The following TAFA4 variants were observed in gnomAD, a reference collection of about 807,000 sequenced individuals.
TAFA4 encodes the protein TAFA chemokine like family member 4.
A neutral mutation model predicts 21.1 loss-of-function variants in TAFA4; 20 were observed. The ratio of observed to expected loss-of-function variants is 0.95; its 90% CI spans 0.67 to 1.38. The LOEUF (loss-of-function observed/expected upper bound fraction) is 1.38, where lower values mean the gene tolerates loss of function less well. Ranked by LOEUF, TAFA4 falls within the 40% of genes most tolerant of loss-of-function variation. TAFA4 has a pLI of 0.00. For synonymous variants in TAFA4, 71 were observed against 67.4 expected, an observed-to-expected ratio of 1.05 and a Z score of -0.26; for missense variants, 211 against 180.9, an observed-to-expected ratio of 1.17 and a Z score of -0.95.
At chr3:68,851,001 C>G (rs1000359658) in intron 3 of TAFA4, among the ~76,000 whole-genome samples, 6 of 152,042 alleles carry the variant, frequency 3.9e-5, no homozygotes, top group Non-Finnish European at 5.9e-5. Flanking sequence ...GGTATATGCT[C>G]AAGGGAATAT....
At chr3:68,852,343 A>G (rs1386420870) in intron 3 of TAFA4, among the ~76,000 whole-genome samples, 1 of 152,158 alleles carries the variant, frequency 6.6e-6, no homozygotes, top group Non-Finnish European at 1.5e-5. Flanking sequence ...GCATTCCCAG[A>G]ACATACTCGT....
At chr3:68,763,891 C>T (rs980389495) in intron 3 of TAFA4, among the ~76,000 whole-genome samples, 5 of 151,992 alleles carry the variant, frequency 3.3e-5, no homozygotes, top group African/African-American at 9.7e-5. Context: ...CACACACACA[C>T]ACATAAGTAT....
intron 3 of TAFA4, among the ~76,000 whole-genome samples, chr3:68,821,340 T>TAAGAGAAAACAAGTCCTGAA (rs1559532889): frequency 5.4e-4 from 7 of 13,074 alleles, no homozygotes; most frequent in African/African-American, 1.1e-3. Flanking sequence ...TTTTTTTTTT[T>TAAGAGAAAACAAGTCCTGAA]TTTTTTTTTT....
intron 3 of TAFA4, among the ~76,000 whole-genome samples, chr3:68,856,641 C>A (rs1055599074): frequency 6.6e-6 from 1 of 152,118 alleles, no homozygotes; most frequent in African/African-American, 2.4e-5. Flanking sequence ...AGATAAAAAG[C>A]AGATATTACA....
intron 3 of TAFA4, among the ~76,000 whole-genome samples, chr3:68,799,083 G>T (rs572377793): frequency 6.6e-6 from 1 of 152,290 alleles, no homozygotes; most frequent in African/African-American, 2.4e-5. Flanking sequence ...AGCATCAGGA[G>T]TTTGTGGTAG....
intron 3 of TAFA4, among the ~76,000 whole-genome samples, chr3:68,760,729 C>T (rs1006224527): frequency 1.5e-4 from 23 of 152,206 alleles, no homozygotes; most frequent in African/African-American, 5.5e-4. Context: ...CTTCCCTTGG[C>T]GAACATGCCC....
At chr3:68,767,230 T>C (rs747617348) in intron 3 of TAFA4, among the ~76,000 whole-genome samples, 1 of 152,028 alleles carries the variant, frequency 6.6e-6, no homozygotes, top group African/African-American at 2.4e-5. Context: ...GGATATGCTA[T>C]AGCAAAATAA....
chr3:68,811,438 A>T (rs13077691), intron 3 of TAFA4, among the ~76,000 whole-genome samples: 18 of 151,936 alleles, frequency 1.2e-4, no homozygotes, highest in Admixed American at 8.5e-4. Context: ...CAAAATTAGA[A>T]GAATGGATAA....
chr3:68,884,394 G>T (rs146452872), intron 2 of TAFA4, among the ~76,000 whole-genome samples: 1 of 152,208 alleles, frequency 6.6e-6, no homozygotes, highest in Admixed American at 6.5e-5. Context: ...CATGGCTCCA[G>T]TTCCTGCCAG....
chr3:68,745,176 A>G (rs2106739725), intron 4 of TAFA4, among the ~76,000 whole-genome samples: 1 of 152,336 alleles, frequency 6.6e-6, no homozygotes, highest in South Asian at 2.1e-4. Context: ...TCGACCTGAC[A>G]GAGAATAAGG....
chr3:68,829,981 G>T (rs1274911230), intron 3 of TAFA4, among the ~76,000 whole-genome samples: 3 of 152,122 alleles, frequency 2.0e-5, no homozygotes, highest in Non-Finnish European at 4.4e-5. Context: ...GCATAGAGGT[G>T]TTTATAGTAT....
intron 3 of TAFA4, among the ~76,000 whole-genome samples, chr3:68,813,327 A>C (rs1172979136): frequency 6.6e-6 from 1 of 152,246 alleles, no homozygotes; most frequent in African/African-American, 2.4e-5. Context: ...CTATGAGAGC[A>C]GAACTGAAGG....
chr3:68,770,828 T>A (rs1049350817), intron 3 of TAFA4, among the ~76,000 whole-genome samples: 12 of 152,292 alleles, frequency 7.9e-5, no homozygotes, highest in African/African-American at 2.9e-4. Flanking sequence ...CTCGGGCCTG[T>A]GCCCATGGAC....
chr3:68,902,611 A>G (rs1575665274), intron 1 of TAFA4, among the ~76,000 whole-genome samples: 1 of 151,978 alleles, frequency 6.6e-6, no homozygotes, highest in South Asian at 2.1e-4. Context: ...CAAGCAATCC[A>G]CCTACCACAG....
In TAFA4 at chr3:68,733,160, C is replaced by G; in HGVS notation, c.412-7G>C. The G allele has an allele frequency of 6.2e-7, 1 of 1,613,010 alleles. No individual in the cohort carries two copies. The highest frequency in any genetic ancestry group is 8.5e-7 in the Non-Finnish European group (1 of 1,179,318). On this transcript the variant is annotated splice_region_variant and splice_polypyrimidine_tract_variant and intron_variant, in intron 5 of 5. Coordinates refer to ENST00000295569, the MANE Select transcript of TAFA4 (RefSeq NM_182522.5). ...CTCTTCGCTACCGCGTTACCTAAAA[C>G]AAATCAAAATAAGGGAACATTCAAC...
intron 3 of TAFA4, among the ~76,000 whole-genome samples, chr3:68,871,404 C>T (rs1364377543): frequency 2.0e-5 from 3 of 152,000 alleles, no homozygotes; most frequent in African/African-American, 4.8e-5. Context: ...AGACCCCTAT[C>T]GCTCACTATA....
chr3:68,873,079 A>C (rs1166258346), intron 3 of TAFA4, among the ~76,000 whole-genome samples: 1 of 152,062 alleles, frequency 6.6e-6, no homozygotes, highest in Non-Finnish European at 1.5e-5. Flanking sequence ...ATTCCATTAC[A>C]AATTCTAAAA....
intron 3 of TAFA4, among the ~76,000 whole-genome samples, chr3:68,755,122 T>C (rs767846630): frequency 1.3e-5 from 2 of 152,158 alleles, no homozygotes; most frequent in Admixed American, 6.5e-5. Flanking sequence ...CCGATTCCAA[T>C]CTAGCACCAC....
intron 4 of TAFA4, among the ~76,000 whole-genome samples, chr3:68,747,695 A>G (rs1044358619): frequency 6.6e-6 from 1 of 152,118 alleles, no homozygotes; most frequent in Admixed American, 6.5e-5. Flanking sequence ...CATGAAACCT[A>G]TGCTGACGAG....
Sources: allele counts gnomAD v4.1 joint callset (sites outside exome capture counted in the v4.1 genomes callset), GRCh38; gene constraint gnomAD v4.1.1; transcripts MANE v1.5; gene names NCBI Gene and HGNC (gene_info 2026-07-23, HGNC 2026-07-21).